The following CTNNA3 variants were observed in gnomAD, a reference collection of about 807,000 sequenced individuals.
The protein encoded by CTNNA3 is catenin alpha 3, also known as catenin alpha-3.
In CTNNA3, 76 loss-of-function variants were observed where a neutral mutation model predicts 95.7. The ratio of observed to expected loss-of-function variants is 0.79; its 90% CI spans 0.66 to 0.96. The LOEUF (loss-of-function observed/expected upper bound fraction) is 0.96, where lower values mean the gene tolerates loss of function less well. Among genes scored for constraint, CTNNA3 ranks in the 40% least tolerant of loss-of-function variants. The pLI is 0.00. For missense variants in CTNNA3, 1,191 were observed against 1,089.8 expected (o/e 1.09, Z -1.31); for synonymous variants, 431 against 374.4 (o/e 1.15, Z -1.74).
chr10:66,370,873 C>T (rs1476679446), intron 12 of CTNNA3, among the ~76,000 whole-genome samples: 1 of 152,024 alleles, frequency 6.6e-6, no homozygotes, highest in East Asian at 1.9e-4. Flanking sequence ...CCATGCCTGG[C>T]TAACATTTTT....
intron 5 of CTNNA3, among the ~76,000 whole-genome samples, chr10:67,405,456 T>C (rs900463172): frequency 6.6e-6 from 1 of 152,100 alleles, no homozygotes; most frequent in African/African-American, 2.4e-5. Context: ...AGAAGAGTAT[T>C]ACATAATGAT....
At chr10:67,714,540 T>C (rs756472980) in intron 1 of CTNNA3, among the ~76,000 whole-genome samples, 1 of 152,260 alleles carries the variant, frequency 6.6e-6, no homozygotes, top group Non-Finnish European at 1.5e-5. Context: ...CTTTTGATTT[T>C]ACAGGCTCAT....
intron 7 of CTNNA3, chr10:66,926,422 G>C: frequency 1.4e-6 from 1 of 729,300 alleles, no homozygotes; most frequent in Non-Finnish European, 2.4e-6. Context: ...GGCTGGCAAA[G>C]AATAATGTTC....
At chr10:67,648,425 C>G (rs912900552) in intron 1 of CTNNA3, among the ~76,000 whole-genome samples, 8 of 152,168 alleles carry the variant, frequency 5.3e-5, no homozygotes, top group African/African-American at 1.7e-4. Context: ...AAATGTAGCA[C>G]ATTTCTAGAT....
intron 7 of CTNNA3, among the ~76,000 whole-genome samples, chr10:66,995,806 C>T (rs1175429199): frequency 6.6e-6 from 1 of 152,170 alleles, no homozygotes; most frequent in Non-Finnish European, 1.5e-5. Flanking sequence ...AGGTCTAATA[C>T]AAGCATTACT....
intron 7 of CTNNA3, among the ~76,000 whole-genome samples, chr10:66,921,937 T>C (rs1846810358): frequency 6.6e-6 from 1 of 152,206 alleles, no homozygotes; most frequent in Non-Finnish European, 1.5e-5. Flanking sequence ...AAATAAAATA[T>C]CTGAAGTCAA....
At chr10:66,701,976 C>A (rs1847958244) in intron 9 of CTNNA3, among the ~76,000 whole-genome samples, 1 of 152,064 alleles carries the variant, frequency 6.6e-6, no homozygotes, top group Non-Finnish European at 1.5e-5. Flanking sequence ...CATCAGAAGG[C>A]AAGTGTCAAC....
rs1436688457 is a variant in CTNNA3 at position 67,042,008 on chromosome 10, G to A, written c.1047+138309C>T. On this transcript the variant is annotated intron_variant, in intron 7 of 17. Transcript: ENST00000433211. ...TTGATAAAATTGAAGTAACCTTAAA[G>A]TACGTGTGAAGGGATAGGAGACGTG... 3.9e-5 allele frequency among the ~76,000 whole-genome samples: 6 copies of A among 152,126 alleles called. No homozygotes were observed. In the South Asian group the frequency reaches 1.0e-3, roughly 26 times the overall value.
chr10:65,945,639 T>C (rs1165148903), intron 17 of CTNNA3, among the ~76,000 whole-genome samples: 1 of 152,176 alleles, frequency 6.6e-6, no homozygotes, highest in African/African-American at 2.4e-5. Context: ...AGAGCCCATC[T>C]TGGATAAAAG....
chr10:66,956,100 G>A (rs1589487532), intron 7 of CTNNA3, among the ~76,000 whole-genome samples: 2 of 152,138 alleles, frequency 1.3e-5, no homozygotes, highest in East Asian at 3.9e-4. Flanking sequence ...AAAGGTACCT[G>A]ACCACCCAAG....
intron 5 of CTNNA3, among the ~76,000 whole-genome samples, chr10:67,366,210 G>T (rs1316738654): frequency 6.6e-6 from 1 of 152,102 alleles, no homozygotes; most frequent in Non-Finnish European, 1.5e-5. Flanking sequence ...GCCTGTCGGG[G>T]GTTGGGGGGC....
intron 13 of CTNNA3, among the ~76,000 whole-genome samples, chr10:66,236,751 T>C (rs1210723925): frequency 6.6e-6 from 1 of 151,952 alleles, no homozygotes; most frequent in African/African-American, 2.4e-5. Context: ...TTTGTTCATT[T>C]AGGATTTGTT....
chr10:66,927,637 A>G lies in CTNNA3; in HGVS notation c.1048-152113T>C. On this transcript the variant is annotated intron_variant, in intron 7 of 17. Coordinates refer to ENST00000433211, the MANE Select transcript of CTNNA3 (RefSeq NM_013266.4). The surrounding 1 kb of genome is among the most constrained non-coding windows in gnomAD (Gnocchi z 4.7). ...GAACCTTTACTTGCAGTGGAATAAA[A>G]TCAGTGTCATAGGACAGACCATGTC... 1 of 1,614,184 alleles carries G rather than the reference A, an allele frequency of 6.2e-7. No individual in the cohort carries two copies. The highest frequency in any genetic ancestry group is 1.1e-5 in the South Asian group (1 of 91,086).
intron 1 of CTNNA3, among the ~76,000 whole-genome samples, chr10:67,701,484 G>GA (rs1245562113): frequency 6.6e-6 from 1 of 152,152 alleles, no homozygotes; most frequent in African/African-American, 2.4e-5. Context: ...CACTCTTAAA[G>GA]AAAAGAATTT....
intron 3 of CTNNA3, among the ~76,000 whole-genome samples, chr10:67,574,653 T>C (rs1433549102): frequency 2.0e-5 from 3 of 148,926 alleles, no homozygotes; most frequent in East Asian, 4.0e-4. Flanking sequence ...CGATCTCTGC[T>C]CACCACAACC....
At chr10:67,749,310 A>G (rs1389366968) in intron 1 of CTNNA3, among the ~76,000 whole-genome samples, 1 of 152,212 alleles carries the variant, frequency 6.6e-6, no homozygotes, top group Non-Finnish European at 1.5e-5. Flanking sequence ...GATCAAGTGG[A>G]CCTGATGGAT....
chr10:66,512,121 T>C (rs913343015), intron 11 of CTNNA3, among the ~76,000 whole-genome samples: 10 of 152,054 alleles, frequency 6.6e-5, no homozygotes, highest in Admixed American at 4.6e-4. Context: ...AATCACTATA[T>C]AATGACCTCT....
At position 65,917,792 on chromosome 10, in the gene CTNNA3, T is replaced by C. The variant is rs925731033; in HGVS notation, c.*2538A>G. The stretch of plus-strand genomic sequence containing the variant: ...GAAATACCTAAATATAAATGTGTCA[T>C]GCTGATTAGTTTTTAACATAATGGG... On this transcript the variant is annotated 3_prime_UTR_variant, in exon 18 of 18. Transcript: ENST00000433211. The C allele has an allele frequency of 3.3e-5, 3 of 92,118 alleles. No homozygotes were observed. Among genetic ancestry groups the C allele is most frequent in the African/African-American group, 1.0e-4 (3 of 29,250 alleles). The allele number at this position is 92,118 out of a possible 1,614,324, so 5.7% of individuals were successfully genotyped here.
intron 2 of CTNNA3, among the ~76,000 whole-genome samples, chr10:67,614,255 A>G (rs962682890): frequency 3.3e-5 from 5 of 152,158 alleles, no homozygotes; most frequent in Admixed American, 3.3e-4. Flanking sequence ...GTAAGACAAA[A>G]AAGTTCTCCA....
Sources: allele counts gnomAD v4.1 joint callset (sites outside exome capture counted in the v4.1 genomes callset), GRCh38; gene constraint gnomAD v4.1.1; non-coding constraint Gnocchi (gnomAD v3.1); transcripts MANE v1.5; gene names NCBI Gene and HGNC (gene_info 2026-07-23, HGNC 2026-07-21).